SLC7A6OS: variants seen among roughly 807,000 people sequenced by gnomAD.
SLC7A6OS encodes solute carrier family 7 member 6 opposite strand, also known as probable RNA polymerase II nuclear localization protein SLC7A6OS.
Under a neutral mutation model 34.3 loss-of-function variants are expected in SLC7A6OS, and 22 were observed. The observed-to-expected ratio is 0.64, with a 90% CI of 0.46 to 0.92. The LOEUF (loss-of-function observed/expected upper bound fraction) is 0.92. SLC7A6OS is among the 40% of genes least tolerant of loss of function. The pLI, the probability that SLC7A6OS is intolerant of heterozygous loss-of-function variation, is 0.00. For missense variants in SLC7A6OS, 434 were observed against 407.7 expected (o/e 1.06, Z -0.56); for synonymous variants, 199 against 165.0 (o/e 1.21, Z -1.58).
Position 68,301,153 on chromosome 16 carries a change from T to C in SLC7A6OS, c.*122A>G. 1 of 1,474,290 alleles carries C rather than the reference T, an allele frequency of 6.8e-7. No homozygotes were observed. The highest frequency in any genetic ancestry group is 9.0e-7 in the Non-Finnish European group (1 of 1,108,558). The allele number at this position is 1,474,290 out of a possible 1,614,324, so 91.3% of individuals were successfully genotyped here. On this transcript the variant is annotated 3_prime_UTR_variant, in exon 5 of 5. Transcript: ENST00000263997. ...GTGGGATGGTGCCGCCCGATATGCT[T>C]GATATGCTTTTCCTTCCACATGTTA...
Position 68,301,242 on chromosome 16 carries a change from A to G in SLC7A6OS, c.*33T>C, listed in dbSNP as rs1235895112. The G allele has an allele frequency of 1.2e-6, 2 of 1,605,528 alleles. No homozygotes were observed. Among genetic ancestry groups the G allele is most frequent in the Non-Finnish European group, 1.7e-6 (2 of 1,174,610 alleles). On this transcript the variant is annotated 3_prime_UTR_variant, in exon 5 of 5. Transcript: ENST00000263997. ...CTCTGGACTCAGAGCCCTCAAGGGCATGTGGCAGAACCTCATGGACATCAC... is the reference window on the plus strand; with the variant it reads ...CTCTGGACTCAGAGCCCTCAAGGGCGTGTGGCAGAACCTCATGGACATCAC...
chr16:68,308,198 G>A (rs934799221), intron 2 of SLC7A6OS, among the ~76,000 whole-genome samples: 5 of 151,678 alleles, frequency 3.3e-5, no homozygotes, highest in South Asian at 2.1e-4. Context: ...CACTGTGCCC[G>A]GCCTAGTGAA....
intron 3 of SLC7A6OS, chr16:68,303,689 G>T: frequency 4.7e-6 from 1 of 210,708 alleles, no homozygotes; most frequent in Non-Finnish European, 9.4e-6. Flanking sequence ...TGTCACTCAT[G>T]TTAAGAATTT....
In SLC7A6OS at chr16:68,298,256, G is replaced by A. The variant is rs756905971; in HGVS notation, c.*3019C>T. On this transcript the variant is annotated 3_prime_UTR_variant, in exon 5 of 5. Coordinates refer to ENST00000263997, the MANE Select transcript of SLC7A6OS (RefSeq NM_032178.3). ...CAGTAAATCTCTGGGTTTCTGTTACGAACTCTAAGAGGGCTGAAACTTCTG... is the reference window on the plus strand; with the variant it reads ...CAGTAAATCTCTGGGTTTCTGTTACAAACTCTAAGAGGGCTGAAACTTCTG... 1 of 152,532 alleles carries A rather than the reference G, an allele frequency of 6.6e-6. No individual in the cohort carries two copies. The highest frequency in any genetic ancestry group is 1.9e-4 in the East Asian group (1 of 5,186). The allele number at this position is 152,532 out of a possible 1,614,324, so 9.4% of individuals were successfully genotyped here. A position where few individuals can be genotyped will look rare whatever the true frequency, so the allele number is the denominator to read the frequency against.
At position 68,301,106 on chromosome 16, in the gene SLC7A6OS, C is replaced by A; in HGVS notation, c.*169G>T. ...ACTGTAAGTGGAAAAGACTCACTCC[C>A]CTAACATAAGTTTTCACTGTGGTGG... On this transcript the variant is annotated 3_prime_UTR_variant, in exon 5 of 5. Transcript: ENST00000263997. 4.5e-6 allele frequency: 6 copies of A among 1,343,594 alleles called. No homozygotes were observed. The highest frequency in any genetic ancestry group is 4.8e-6 in the Non-Finnish European group (5 of 1,044,630). The allele number at this position is 1,343,594 out of a possible 1,614,324, so 83.2% of individuals were successfully genotyped here.
At position 68,310,326 on chromosome 16, in the gene SLC7A6OS, C is replaced by T. The variant is rs746241292; in HGVS notation, c.471+9G>A. On this transcript the variant is annotated intron_variant, in intron 2 of 4. Coordinates refer to ENST00000263997, the MANE Select transcript of SLC7A6OS (RefSeq NM_032178.3). ...GAAGCCCAGCGACCACCTTCAGGGG[C>T]ATACTCACTTTGCAGGAGCCTGCAG... 9 of 1,588,776 alleles carry T rather than the reference C, an allele frequency of 5.7e-6. No individual in the cohort carries two copies. The East Asian group carries it at 2.0e-4, about 36-fold the overall frequency.
In SLC7A6OS at chr16:68,299,444, T is replaced by C. The variant is rs2043230629; in HGVS notation, c.*1831A>G. 1 of 152,630 alleles carries C rather than the reference T, an allele frequency of 6.6e-6. No homozygotes were observed. Among genetic ancestry groups the C allele is most frequent in the African/African-American group, 2.4e-5 (1 of 41,436 alleles). 9.5% of individuals were successfully genotyped at this position (152,630 alleles called of 1,614,324 possible). On this transcript the variant is annotated 3_prime_UTR_variant, in exon 5 of 5. Transcript: ENST00000263997. ...TTTCCCCTCTGTGCTGGATACAGACTTCTCCCAGGATCCTCTCTTTGGGAG... is the reference window on the plus strand; with the variant it reads ...TTTCCCCTCTGTGCTGGATACAGACCTCTCCCAGGATCCTCTCTTTGGGAG...
intron 2 of SLC7A6OS, 86 bp from the exon 3 acceptor site, chr16:68,304,318 A>G: frequency 2.4e-6 from 3 of 1,244,292 alleles, no homozygotes; most frequent in Non-Finnish European, 3.5e-6. Flanking sequence ...GGGTGAAGGA[A>G]GGCTCCCTAC....
chr16:68,305,053 G>A (rs2043317106), intron 2 of SLC7A6OS, among the ~76,000 whole-genome samples: 1 of 152,090 alleles, frequency 6.6e-6, no homozygotes, highest in Non-Finnish European at 1.5e-5. Flanking sequence ...TGGGAAGACT[G>A]GCCTAAGGAG....
At chr16:68,306,631 C>T (rs2043328694) in intron 2 of SLC7A6OS, among the ~76,000 whole-genome samples, 1 of 152,110 alleles carries the variant, frequency 6.6e-6, no homozygotes, top group Non-Finnish European at 1.5e-5. Context: ...AAGGTGTGCA[C>T]CACTCCTCCT....
chr16:68,302,594 A>T (rs1360694773), intron 3 of SLC7A6OS, 93 bp from the exon 4 acceptor site: 2 of 1,498,348 alleles, frequency 1.3e-6, no homozygotes, highest in South Asian at 1.2e-5. Flanking sequence ...AAGAGATATC[A>T]TGTAAAAGTG....
chr16:68,303,938 C>T (rs2043306781), intron 3 of SLC7A6OS, 88 bp downstream of exon 3: 9 of 1,195,498 alleles, frequency 7.5e-6, no homozygotes, highest in East Asian at 2.4e-5. Flanking sequence ...CAATGTTGTT[C>T]GGGAGTGGAG....
rs2043305185 is a variant in SLC7A6OS at position 68,303,720 on chromosome 16, T to C, written c.678+306A>G. On this transcript the variant is annotated intron_variant, in intron 3 of 4. Coordinates refer to ENST00000263997, the MANE Select transcript of SLC7A6OS (RefSeq NM_032178.3). The stretch of plus-strand genomic sequence containing the variant: ...AATTTCTGATTTTATCGTCTTTATC[T>C]TATCATAAGCCCCATATACATATTT... 4 of 271,968 alleles carry C rather than the reference T, an allele frequency of 1.5e-5. No individual in the cohort carries two copies. The South Asian group carries it at 3.9e-4, about 27-fold the overall frequency. 16.8% of individuals were successfully genotyped at this position (271,968 alleles called of 1,614,324 possible). A position where few individuals can be genotyped will look rare whatever the true frequency, so the allele number is the denominator to read the frequency against.
chr16:68,310,776 C>G lies in SLC7A6OS; in HGVS notation c.151G>C (p.Glu51Gln), dbSNP rs1242060288. Reference protein sequence around the residue: ...KTSEGLERAAENNVFHLVATV... With the variant: ...KTSEGLERAAQNNVFHLVATV... Reference sequence around the variant, plus strand: ...GCCACCAAGTGGAAGACATTATTCTCCGCCGCTCTCTCCAAACCCTCCGAC... The same window carrying G: ...GCCACCAAGTGGAAGACATTATTCTGCGCCGCTCTCTCCAAACCCTCCGAC... The change falls in exon 1 of 5, where the codon GAG becomes CAG. Residue 51 changes from glutamate (E) to glutamine (Q), a missense_variant. Glu to Gln is a conservative substitution (Grantham distance 29, BLOSUM62 2). Transcript: ENST00000263997. 1.2e-6 allele frequency: 2 copies of G among 1,613,326 alleles called. No individual in the cohort carries two copies.
At chr16:68,306,182 G>T (rs8060690) in intron 2 of SLC7A6OS, among the ~76,000 whole-genome samples, 19,905 of 152,122 alleles carry the variant, frequency 0.13, 1,368 homozygotes, top group South Asian at 0.16. Flanking sequence ...TTCCTCCTTT[G>T]CTATATTTTT....
At chr16:68,307,506 A>C (rs2043335435) in intron 2 of SLC7A6OS, among the ~76,000 whole-genome samples, 2 of 152,218 alleles carry the variant, frequency 1.3e-5, no homozygotes, top group Non-Finnish European at 1.5e-5. Flanking sequence ...ATAACATAGA[A>C]ATGCTGTCAT....
intron 2 of SLC7A6OS, among the ~76,000 whole-genome samples, chr16:68,309,102 T>G (rs1211986519): frequency 2.8e-5 from 4 of 144,852 alleles, no homozygotes; most frequent in East Asian, 2.0e-4. Flanking sequence ...AATTTTCTGG[T>G]TTTTTTTTTA....
At chr16:68,309,914 G>A (rs997709596) in intron 2 of SLC7A6OS, among the ~76,000 whole-genome samples, 1 of 152,100 alleles carries the variant, frequency 6.6e-6, no homozygotes, top group Non-Finnish European at 1.5e-5. Flanking sequence ...TTACTTTCAG[G>A]TTCTCTGCCT....
rs1357078696 is a variant in SLC7A6OS at position 68,300,766 on chromosome 16, G to A, written c.*509C>T. On this transcript the variant is annotated 3_prime_UTR_variant, in exon 5 of 5. Transcript: ENST00000263997. ...TAGCTGTTAACTAAAATCTCCCACT[G>A]CTCAGACTACTTTCTGCCCTAATGG... is the stretch of plus-strand genomic sequence containing the variant. 1.0e-6 allele frequency: 1 copy of A among 985,362 alleles called. No homozygotes were observed. Among genetic ancestry groups the A allele is most frequent in the African/African-American group, 1.7e-5 (1 of 57,236 alleles). The allele number at this position is 985,362 out of a possible 1,614,324, so 61.0% of individuals were successfully genotyped here.
Sources: allele counts gnomAD v4.1 joint callset (sites outside exome capture counted in the v4.1 genomes callset), GRCh38; gene constraint gnomAD v4.1.1; transcripts MANE v1.5; gene names NCBI Gene and HGNC (gene_info 2026-07-23, HGNC 2026-07-21).